The following MASP1 variants were observed in gnomAD, a reference collection of about 807,000 sequenced individuals.
MASP1 encodes the protein MBL associated serine protease 1.
Under a neutral mutation model 77.1 loss-of-function variants are expected in MASP1, and 59 were observed. The observed-to-expected ratio is 0.77, with a 90% CI of 0.62 to 0.95. The LOEUF is 0.95. Ranked by LOEUF, MASP1 falls within the 40% of genes least tolerant of loss-of-function variation. MASP1 has a pLI of 0.00. For synonymous variants in MASP1, 362 were observed against 354.5 expected (o/e 1.02, Z -0.24); for missense variants, 885 against 912.9 (o/e 0.97, Z 0.39).
chr3:187,237,763 C>T (rs779051996), intron 10 of MASP1, among the ~76,000 whole-genome samples: 1 of 152,222 alleles, frequency 6.6e-6, no homozygotes, highest in Non-Finnish European at 1.5e-5. Flanking sequence ...GGAGGTAGAC[C>T]TACTATGAGT....
intron 2 of MASP1, among the ~76,000 whole-genome samples, chr3:187,272,552 G>A (rs1716610651): frequency 1.3e-5 from 2 of 152,104 alleles, no homozygotes; most frequent in South Asian, 4.1e-4. Flanking sequence ...CCCAATGACT[G>A]ATATCCTTAT....
rs1428388467 is a variant in MASP1 at position 187,247,811 on chromosome 3, T to C, written c.1090+2440A>G. On this transcript the variant is annotated intron_variant, in intron 8 of 10. Transcript: ENST00000296280. The stretch of plus-strand genomic sequence containing the variant: ...TAGTGCACGTTTCTTTACCACAGAG[T>C]GCACCCCTCTTGTCTGGAAGCAGAG... Among the ~76,000 whole-genome samples the C allele has an allele frequency of 3.3e-5, 5 of 152,202 alleles. No individual in the cohort carries two copies. In the East Asian group the frequency reaches 5.8e-4, roughly 18 times the overall value.
chr3:187,224,462 T>C (rs956382474), intron 13 of MASP1, among the ~76,000 whole-genome samples: 5 of 148,562 alleles, frequency 3.4e-5, no homozygotes, highest in African/African-American at 1.2e-4. Context: ...TTCTCCTGCC[T>C]CAGCCTCCCA....
chr3:187,236,965 G>A (rs1713238777), intron 10 of MASP1, among the ~76,000 whole-genome samples: 1 of 152,200 alleles, frequency 6.6e-6, no homozygotes, highest in Admixed American at 6.5e-5. Context: ...TCCATGCTAT[G>A]GGAACCTAGA....
At chr3:187,251,092 G>A (rs1445203232) in intron 7 of MASP1, among the ~76,000 whole-genome samples, 1 of 152,114 alleles carries the variant, frequency 6.6e-6, no homozygotes, top group Non-Finnish European at 1.5e-5. Flanking sequence ...CCAAGTAGCT[G>A]GGATTACAGG....
intron 2 of MASP1, among the ~76,000 whole-genome samples, chr3:187,275,066 C>T (rs1197283410): frequency 6.6e-6 from 1 of 152,192 alleles, no homozygotes; most frequent in Non-Finnish European, 1.5e-5. Context: ...TCCCCCACCT[C>T]ACCCCTTCTG....
chr3:187,228,519 C>G (rs116597062), intron 11 of MASP1, among the ~76,000 whole-genome samples: 2 of 152,002 alleles, frequency 1.3e-5, no homozygotes, highest in Non-Finnish European at 2.9e-5. Context: ...ATCTTGTGCC[C>G]GCCAGTACCT....
chr3:187,255,992 A>T lies in MASP1; in HGVS notation c.744+672T>A, dbSNP rs559351317. On this transcript the variant is annotated intron_variant, in intron 5 of 10. Coordinates refer to ENST00000296280, the MANE Select transcript of MASP1 (RefSeq NM_139125.4). The stretch of plus-strand genomic sequence containing the variant: ...ATGTCTTGGCTGATCACTCTATAAG[A>T]ATTGCTGGTTTTACTTTCCACATAT... Among the ~76,000 whole-genome samples the T allele has an allele frequency of 1.5e-3, 232 of 152,138 alleles. 1 individual carries two copies. The highest frequency in any genetic ancestry group is 5.5e-3 in the African/African-American group (227 of 41,490).
chr3:187,241,358 C>T (rs896579693), intron 10 of MASP1, 123 bp downstream of exon 10: 1 of 806,442 alleles, frequency 1.2e-6, no homozygotes, highest in Admixed American at 1.8e-5. Flanking sequence ...GAAGACATCT[C>T]TTAAAAAGCA....
chr3:187,281,370 T>A (rs1189017194), intron 2 of MASP1, among the ~76,000 whole-genome samples: 1 of 152,244 alleles, frequency 6.6e-6, no homozygotes, highest in Non-Finnish European at 1.5e-5. Flanking sequence ...GGGGTTGGGC[T>A]GGGCTGGAAA....
chr3:187,220,372 G>C (rs1476668714), intron 15 of MASP1: 2 of 913,844 alleles, frequency 2.2e-6, no homozygotes, highest in East Asian at 2.6e-5. Flanking sequence ...GGGCATAGCA[G>C]ACCGTTGGAC....
intron 14 of MASP1, chr3:187,223,033 C>T (rs1579456906): frequency 4.3e-6 from 5 of 1,157,888 alleles, no homozygotes; most frequent in South Asian, 2.5e-5. Context: ...AACCCCCACC[C>T]AAGCCTCAAA....
In MASP1 at chr3:187,234,587, C is replaced by G. The variant is rs72549167; in HGVS notation, c.*1097G>C. 0.014 allele frequency: 17,575 copies of G among 1,287,214 alleles called. 277 individuals are homozygous for G. The highest frequency in any genetic ancestry group is 0.053 in the African/African-American group (3,495 of 65,900). The allele number at this position is 1,287,214 out of a possible 1,614,324, so 79.7% of individuals were successfully genotyped here. On this transcript the variant is annotated 3_prime_UTR_variant, in exon 11 of 11. Coordinates refer to ENST00000296280, the MANE Select transcript of MASP1 (RefSeq NM_139125.4). Reference sequence around the variant, plus strand: ...ATGGGTGAGCCTCTGATTCCTTTGACTCTGAAAAATGAAGGAGTGGGTCCC... The same window carrying G: ...ATGGGTGAGCCTCTGATTCCTTTGAGTCTGAAAAATGAAGGAGTGGGTCCC...
intron 2 of MASP1, among the ~76,000 whole-genome samples, chr3:187,282,491 G>A (rs3821810): frequency 0.46 from 40,414 of 87,004 alleles, 6,229 homozygotes; most frequent in Admixed American, 0.57. Flanking sequence ...GCAAGATTCC[G>A]TTTCAAAAAA....
At chr3:187,267,486 A>G (rs1485562417) in intron 2 of MASP1, among the ~76,000 whole-genome samples, 1 of 152,230 alleles carries the variant, frequency 6.6e-6, no homozygotes, top group Non-Finnish European at 1.5e-5. Context: ...AATTTGTGCA[A>G]GTTTGAAAGG....
At position 187,243,578 on chromosome 3, in the gene MASP1, G is replaced by T; in HGVS notation, c.1134C>A (p.Ile378=). 1 of 1,614,170 alleles carries T rather than the reference G, an allele frequency of 6.2e-7. No homozygotes were observed. The highest frequency in any genetic ancestry group is 1.7e-4 in the Middle Eastern group (1 of 6,060). Residue 378 remains isoleucine (I), a synonymous_variant, in exon 9 of 11, where the codon ATC becomes ATA. Transcript: ENST00000296280. The part of the protein sequence containing the change: ...RAPGELEHGL[I]TFSTRNNLTT... ...TGAGGTTGTTCCTTGTAGAGAAGGT[G>T]ATCAGCCCGTGTTCCAGCTCTCCTG... is the stretch of plus-strand genomic sequence containing the variant.
intron 2 of MASP1, among the ~76,000 whole-genome samples, chr3:187,274,514 C>G (rs969743926): frequency 5.3e-5 from 8 of 152,168 alleles, no homozygotes; most frequent in African/African-American, 1.9e-4. Context: ...CTGAAAAGAA[C>G]ATGAAAAGAC....
rs1713083195 is a variant in MASP1 at position 187,235,605 on chromosome 3, A to T, written c.*79T>A. 2.5e-6 allele frequency: 4 copies of T among 1,601,558 alleles called. No individual in the cohort carries two copies. The highest frequency in any genetic ancestry group is 3.3e-5 in the Admixed American group (2 of 59,808). ...AGTGTGTTCCATTCCATATGGTCTG[A>T]TAAGTAATGTGGAGTGTGCTGTCGG... is the stretch of plus-strand genomic sequence containing the variant. On this transcript the variant is annotated 3_prime_UTR_variant, in exon 11 of 11. Coordinates refer to ENST00000296280, the MANE Select transcript of MASP1 (RefSeq NM_139125.4).
chr3:187,241,346 T>C (rs746573444), intron 10 of MASP1, 135 bp downstream of exon 10: 15 of 750,364 alleles, frequency 2.0e-5, no homozygotes, highest in Non-Finnish European at 3.4e-5. Flanking sequence ...CTTTAACCTT[T>C]TGAAGACATC....
Sources: allele counts gnomAD v4.1 joint callset (sites outside exome capture counted in the v4.1 genomes callset), GRCh38; gene constraint gnomAD v4.1.1; transcripts MANE v1.5; gene names NCBI Gene and HGNC (gene_info 2026-07-23, HGNC 2026-07-21).